RAD54B: variants seen among roughly 807,000 people sequenced by gnomAD.
The protein encoded by RAD54B is RAD54 homolog B.
A neutral mutation model predicts 95.8 loss-of-function variants in RAD54B; 78 were observed. The ratio of observed to expected loss-of-function variants is 0.81; its 90% confidence interval spans 0.68 to 0.98. The LOEUF is 0.98. RAD54B is among the 50% of genes least tolerant of loss of function. The probability of loss-of-function intolerance (pLI) is 0.00; values close to 1 mark genes in which losing one functional copy is unlikely to be tolerated. For synonymous variants in RAD54B, 328 were observed against 354.9 expected (o/e 0.92, Z 0.85); for missense variants, 957 against 1,056.6 (o/e 0.91, Z 1.31).
intron 4 of RAD54B, among the ~76,000 whole-genome samples, chr8:94,410,212 G>T (rs1385520725): frequency 1.3e-5 from 2 of 151,956 alleles, no homozygotes; most frequent in African/African-American, 4.8e-5. Flanking sequence ...TATCTTAAAC[G>T]GTAACTCCTA....
Position 94,467,422 on chromosome 8 carries a change from C to A in RAD54B, c.118G>T (p.Asp40Tyr), listed in dbSNP as rs932428397. The change falls in exon 2 of 15, where the codon GAT (aspartate) becomes TAT (tyrosine). Residue 40 changes from aspartate to tyrosine, a missense_variant. By Grantham distance (160) the Asp-to-Tyr change is radical (BLOSUM62 -3). Coordinates refer to ENST00000336148, the MANE Select transcript of RAD54B (RefSeq NM_012415.3). The stretch of plus-strand genomic sequence containing the variant: ...TGCCTTACCTCAAATAATTTTATAT[C>A]TGGATTCAGTTTTGTAATCTCTTCA... ...LNEEITKLNP[D>Y]IKLFEGVAIN... 1.2e-6 allele frequency: 2 copies of A among 1,608,588 alleles called. No individual in the cohort carries two copies. Among genetic ancestry groups the A allele is most frequent in the East Asian group, 2.2e-5 (1 of 44,806 alleles).
intron 14 of RAD54B, among the ~76,000 whole-genome samples, chr8:94,376,792 T>C (rs1013735746): frequency 2.0e-5 from 3 of 149,494 alleles, no homozygotes; most frequent in Non-Finnish European, 4.4e-5. Flanking sequence ...ATATAATTTA[T>C]ATGACAAATA....
rs117310495 is a variant in RAD54B at position 94,450,394 on chromosome 8, G to A, written c.304+7874C>T. Among the ~76,000 whole-genome samples, 1,095 of 152,262 alleles carry A rather than the reference G, an allele frequency of 7.2e-3. 6 individuals carry two copies. The highest frequency in any genetic ancestry group is 0.024 in the Middle Eastern group (7 of 294). ...ATCTTGCAAAAGGTTGACATGATAG[G>A]TACTTGGAAAGAGACTGACCTGAAT... On this transcript the variant is annotated intron_variant, in intron 3 of 14. Transcript: ENST00000336148.
chr8:94,435,869 A>G (rs1289017312), intron 3 of RAD54B, among the ~76,000 whole-genome samples: 1 of 152,174 alleles, frequency 6.6e-6, no homozygotes, highest in Non-Finnish European at 1.5e-5. Flanking sequence ...TTTTAATTTT[A>G]TTAAGTAAAC....
At chr8:94,441,904 A>G (rs1311423565) in intron 3 of RAD54B, among the ~76,000 whole-genome samples, 1 of 152,218 alleles carries the variant, frequency 6.6e-6, no homozygotes, top group African/African-American at 2.4e-5. Context: ...CATATATTCC[A>G]CAATATCACC....
chr8:94,421,100 C>CA (rs1811798177), intron 3 of RAD54B, among the ~76,000 whole-genome samples: 1 of 152,108 alleles, frequency 6.6e-6, no homozygotes, highest in African/African-American at 2.4e-5. Flanking sequence ...TTCAAATTCC[C>CA]AATCACTCCT....
intron 6 of RAD54B, among the ~76,000 whole-genome samples, chr8:94,400,905 A>C (rs1182714397): frequency 6.6e-6 from 1 of 152,150 alleles, no homozygotes; most frequent in Non-Finnish European, 1.5e-5. Context: ...TCAGTAAATG[A>C]AGTCCTCAAC....
At chr8:94,397,997 A>T (rs1811187026) in intron 8 of RAD54B, among the ~76,000 whole-genome samples, 1 of 152,096 alleles carries the variant, frequency 6.6e-6, no homozygotes. Flanking sequence ...TCAGCTTCTC[A>T]AACAGCCAAA....
intron 11 of RAD54B, among the ~76,000 whole-genome samples, chr8:94,382,620 C>CA (rs1810772520): frequency 6.6e-6 from 1 of 152,166 alleles, no homozygotes. Context: ...TATGATTTGG[C>CA]TCTGTGTCTC....
intron 3 of RAD54B, among the ~76,000 whole-genome samples, chr8:94,443,570 T>C (rs1224070427): frequency 1.3e-5 from 2 of 151,736 alleles, no homozygotes; most frequent in African/African-American, 4.8e-5. Context: ...GATGGATGCA[T>C]AACTGACTCT....
intron 5 of RAD54B, among the ~76,000 whole-genome samples, chr8:94,404,590 A>G (rs1243298415): frequency 6.6e-6 from 1 of 152,226 alleles, no homozygotes; most frequent in African/African-American, 2.4e-5. Context: ...CTGAAAGTAC[A>G]GGTTGGAATT....
intron 11 of RAD54B, among the ~76,000 whole-genome samples, chr8:94,382,232 C>T (rs1047326792): frequency 6.6e-6 from 1 of 151,690 alleles, no homozygotes; most frequent in Non-Finnish European, 1.5e-5. Flanking sequence ...TAAGGTATAT[C>T]AAGATTATAA....
chr8:94,415,872 G>A (rs1216006105), intron 3 of RAD54B, among the ~76,000 whole-genome samples: 1 of 151,870 alleles, frequency 6.6e-6, no homozygotes, highest in African/African-American at 2.4e-5. Flanking sequence ...GAAACAACAG[G>A]TGCTGGAGAG....
chr8:94,440,871 T>TTGTTTTATAC (rs1263626260), intron 3 of RAD54B, among the ~76,000 whole-genome samples: 1 of 152,204 alleles, frequency 6.6e-6, no homozygotes, highest in African/African-American at 2.4e-5. Context: ...TTGTTTTATA[T>TTGTTTTATAC]TGTTTTATAC....
intron 3 of RAD54B, among the ~76,000 whole-genome samples, chr8:94,413,384 T>C (rs1470908115): frequency 1.3e-5 from 2 of 152,000 alleles, no homozygotes; most frequent in Non-Finnish European, 2.9e-5. Flanking sequence ...AAGCAAGAAA[T>C]AGAACTATTC....
intron 3 of RAD54B, among the ~76,000 whole-genome samples, chr8:94,455,991 A>G (rs919191189): frequency 4.6e-5 from 7 of 152,192 alleles, no homozygotes; most frequent in East Asian, 1.9e-4. Context: ...AGGAGACACA[A>G]TTGAAGCCAC....
At chr8:94,395,270 TAC>T (rs373163034) in intron 8 of RAD54B, among the ~76,000 whole-genome samples, 24 of 152,232 alleles carry the variant, frequency 1.6e-4, no homozygotes, top group African/African-American at 5.8e-4. Context: ...GCATGTGATT[TAC>T]AGAGGGAGAG....
chr8:94,383,479 T>C (rs942121911), intron 11 of RAD54B, among the ~76,000 whole-genome samples: 2 of 152,156 alleles, frequency 1.3e-5, no homozygotes, highest in African/African-American at 4.8e-5. Flanking sequence ...TCAACCTCGG[T>C]TCAAAAATAT....
intron 10 of RAD54B, among the ~76,000 whole-genome samples, chr8:94,390,938 GTC>G (rs1811003278): frequency 6.6e-6 from 1 of 152,064 alleles, no homozygotes; most frequent in Admixed American, 6.6e-5. Context: ...ATGAAACAAA[GTC>G]TGTGCGCACT....
Sources: allele counts gnomAD v4.1 joint callset (sites outside exome capture counted in the v4.1 genomes callset), GRCh38; gene constraint gnomAD v4.1.1; transcripts MANE v1.5; gene names NCBI Gene and HGNC (gene_info 2026-07-23, HGNC 2026-07-21).